PCED1B: variants seen among roughly 807,000 people sequenced by gnomAD.
The protein encoded by PCED1B is PC-esterase domain containing 1B.
For missense variants in PCED1B, 573 were observed against 573.9 expected, an observed-to-expected ratio of 1.00 and a Z score of 0.02; for synonymous variants, 251 against 246.1, an observed-to-expected ratio of 1.02 and a Z score of -0.19.
chr12:47,099,894 A>C (rs1938630488), intron 1 of PCED1B, among the ~76,000 whole-genome samples: 1 of 152,228 alleles, frequency 6.6e-6, no homozygotes, highest in Non-Finnish European at 1.5e-5. Context: ...AATCCATTCC[A>C]TGCCAGTCAT....
intron 2 of PCED1B, among the ~76,000 whole-genome samples, chr12:47,166,106 G>C (rs931805255): frequency 6.6e-6 from 1 of 152,104 alleles, no homozygotes; most frequent in African/African-American, 2.4e-5. Context: ...GAAATCTCAA[G>C]GTTGTTGAAA....
At chr12:47,203,300 T>A (rs1237985919) in intron 2 of PCED1B, among the ~76,000 whole-genome samples, 1 of 152,062 alleles carries the variant, frequency 6.6e-6, no homozygotes. Context: ...TTTTTAAAAT[T>A]TTTTATTTCC....
chr12:47,093,544 A>AT (rs1299673635), intron 1 of PCED1B, among the ~76,000 whole-genome samples: 1 of 151,690 alleles, frequency 6.6e-6, no homozygotes, highest in Middle Eastern at 3.2e-3. Context: ...TAAATCATTG[A>AT]TTTTCAGGCT....
intron 2 of PCED1B, among the ~76,000 whole-genome samples, chr12:47,163,675 T>A (rs1486188952): frequency 6.6e-6 from 1 of 152,216 alleles, no homozygotes. Context: ...GAGATAATCA[T>A]GTGTTTTCTT....
intron 3 of PCED1B, among the ~76,000 whole-genome samples, chr12:47,234,530 A>G (rs1488114908): frequency 6.6e-6 from 1 of 152,132 alleles, no homozygotes; most frequent in Non-Finnish European, 1.5e-5. Flanking sequence ...TCAGTATGGG[A>G]TGTAACTTAT....
chr12:47,139,702 G>A (rs61927693), intron 2 of PCED1B, among the ~76,000 whole-genome samples: 1 of 152,030 alleles, frequency 6.6e-6, no homozygotes, highest in East Asian at 1.9e-4. Flanking sequence ...CTTGTGTGGT[G>A]TATGTGCATA....
At chr12:47,153,437 A>G (rs1347792065) in intron 2 of PCED1B, among the ~76,000 whole-genome samples, 1 of 152,138 alleles carries the variant, frequency 6.6e-6, no homozygotes, top group Non-Finnish European at 1.5e-5. Context: ...AATCATACAA[A>G]ATGTTCCAAT....
At chr12:47,109,679 A>T (rs1274358747) in intron 2 of PCED1B, among the ~76,000 whole-genome samples, 1 of 152,168 alleles carries the variant, frequency 6.6e-6, no homozygotes, top group Non-Finnish European at 1.5e-5. Flanking sequence ...CATTTATAAC[A>T]TATTCATTGA....
At chr12:47,085,495 TTTTC>T (rs1434549765) in intron 1 of PCED1B, among the ~76,000 whole-genome samples, 1 of 152,252 alleles carries the variant, frequency 6.6e-6, no homozygotes, top group South Asian at 2.1e-4. Flanking sequence ...CATTGCAGTA[TTTTC>T]TTAATGTGCA....
chr12:47,172,008 C>G (rs1028132263), intron 2 of PCED1B, among the ~76,000 whole-genome samples: 1 of 151,810 alleles, frequency 6.6e-6, no homozygotes, highest in Admixed American at 6.6e-5. Flanking sequence ...TTGTCTTAAT[C>G]CTTGGAGTTC....
intron 2 of PCED1B, among the ~76,000 whole-genome samples, chr12:47,175,926 A>G (rs893137630): frequency 6.7e-6 from 1 of 149,968 alleles, no homozygotes; most frequent in Admixed American, 6.7e-5. Context: ...GGGTGTCGCT[A>G]CATTGCCCAG....
chr12:47,217,508 G>T, intron 3 of PCED1B, among the ~76,000 whole-genome samples: 1 of 136,362 alleles, frequency 7.3e-6, no homozygotes, highest in South Asian at 2.3e-4. Flanking sequence ...AAGAAAGAAA[G>T]AAAGAAAGAA....
intron 1 of PCED1B, among the ~76,000 whole-genome samples, chr12:47,080,787 C>A (rs1006892979): frequency 3.9e-5 from 6 of 152,090 alleles, no homozygotes; most frequent in African/African-American, 7.2e-5. Context: ...TTCTCCTTCC[C>A]CTCTTCTCTC....
At chr12:47,100,944 C>T (rs2137217413) in intron 1 of PCED1B, among the ~76,000 whole-genome samples, 1 of 152,152 alleles carries the variant, frequency 6.6e-6, no homozygotes, top group East Asian at 1.9e-4. Flanking sequence ...TGATGCATGC[C>T]TTATAGTCCC....
At chr12:47,184,064 A>C (rs1056243172) in intron 2 of PCED1B, among the ~76,000 whole-genome samples, 8 of 152,166 alleles carry the variant, frequency 5.3e-5, no homozygotes, top group Non-Finnish European at 1.0e-4. Flanking sequence ...TTTTGTAGAG[A>C]AAGGGTCTCC....
chr12:47,095,856 C>G (rs1340031898), intron 1 of PCED1B, among the ~76,000 whole-genome samples: 1 of 137,170 alleles, frequency 7.3e-6, no homozygotes, highest in African/African-American at 2.6e-5. Flanking sequence ...TTATAAATTC[C>G]TTTTCTGGTA....
chr12:47,164,517 C>A lies in PCED1B; in HGVS notation c.-525-51705C>A, dbSNP rs183906393. On this transcript the variant is annotated intron_variant, in intron 2 of 3. Coordinates refer to ENST00000546455, the MANE Select transcript of PCED1B (RefSeq NM_138371.3). ...CCCAAGGCCTCAGAAAGCCCCACCT[C>A]AATGGCCTTGCTGCATGGCTTGGAG... is the stretch of plus-strand genomic sequence containing the variant. Among the ~76,000 whole-genome samples, 116 of 152,374 alleles carry A rather than the reference C, an allele frequency of 7.6e-4. 1 individual carries two copies. The highest frequency in any genetic ancestry group is 2.6e-3 in the African/African-American group (108 of 41,594).
chr12:47,147,555 C>G (rs1394472071), intron 2 of PCED1B, among the ~76,000 whole-genome samples: 2 of 152,184 alleles, frequency 1.3e-5, no homozygotes, highest in Middle Eastern at 3.4e-3. Flanking sequence ...CTATTGATAT[C>G]TATTTACCAT....
chr12:47,134,262 TTTCAAAA>T, intron 2 of PCED1B, among the ~76,000 whole-genome samples: 1 of 152,282 alleles, frequency 6.6e-6, no homozygotes, highest in South Asian at 2.1e-4. Context: ...GTACAGGAGA[TTTCAAAA>T]TTTACTTTGT....
Sources: allele counts gnomAD v4.1 joint callset (sites outside exome capture counted in the v4.1 genomes callset), GRCh38; gene constraint gnomAD v4.1.1; transcripts MANE v1.5; gene names NCBI Gene and HGNC (gene_info 2026-07-23, HGNC 2026-07-21).